TIAM1: variants seen among roughly 807,000 people sequenced by gnomAD.
TIAM1 encodes the protein TIAM Rac1 associated GEF 1.
A neutral mutation model predicts 163.5 loss-of-function variants in TIAM1; 65 were observed. The ratio of observed to expected loss-of-function variants is 0.40; its 90% CI spans 0.33 to 0.49. The LOEUF is 0.49. Among genes scored for constraint, TIAM1 ranks in the 20% least tolerant of loss-of-function variants. The probability of loss-of-function intolerance (pLI) is 0.77; values close to 1 mark genes in which losing one functional copy is unlikely to be tolerated. For synonymous variants in TIAM1, 833 were observed against 810.1 expected, an observed-to-expected ratio of 1.03 and a Z score of -0.48; for missense variants, 1,789 against 2,044.7, an observed-to-expected ratio of 0.87 and a Z score of 2.41.
chr21:31,384,006 C>T (rs533523105), intron 2 of TIAM1, among the ~76,000 whole-genome samples: 1 of 152,186 alleles, frequency 6.6e-6, no homozygotes, highest in East Asian at 1.9e-4. Flanking sequence ...CATATGCAAT[C>T]GAGCACCTCA....
chr21:31,433,595 G>T (rs537311784), intron 2 of TIAM1, among the ~76,000 whole-genome samples: 1 of 152,242 alleles, frequency 6.6e-6, no homozygotes, highest in South Asian at 2.1e-4. Context: ...AAGAAGAAAA[G>T]GAAGCAAATT....
intron 2 of TIAM1, among the ~76,000 whole-genome samples, chr21:31,285,265 T>TG (rs2073756376): frequency 6.6e-6 from 1 of 151,790 alleles, no homozygotes; most frequent in African/African-American, 2.4e-5. Context: ...GGGAAGAGCT[T>TG]GTGGGGGGGG....
intron 2 of TIAM1, among the ~76,000 whole-genome samples, chr21:31,284,251 A>C (rs1270981841): frequency 6.6e-6 from 1 of 152,158 alleles, no homozygotes; most frequent in Non-Finnish European, 1.5e-5. Context: ...CCGCACACCA[A>C]AATAATCGCC....
At chr21:31,231,842 GTC>G (rs1326499819) in intron 6 of TIAM1, among the ~76,000 whole-genome samples, 1 of 151,984 alleles carries the variant, frequency 6.6e-6, no homozygotes, top group East Asian at 1.9e-4. Flanking sequence ...GTGAAACCCC[GTC>G]TCTACTAACA....
At chr21:31,269,660 T>C (rs2146830475) in intron 3 of TIAM1, among the ~76,000 whole-genome samples, 1 of 146,752 alleles carries the variant, frequency 6.8e-6, no homozygotes, top group East Asian at 2.1e-4. Context: ...TGGTGAACTT[T>C]AAGTTTGTTT....
chr21:31,182,121 C>T (rs1054735314), intron 15 of TIAM1, among the ~76,000 whole-genome samples: 1 of 152,062 alleles, frequency 6.6e-6, no homozygotes, highest in Admixed American at 6.6e-5. Flanking sequence ...TCTCTATCCA[C>T]AGCAAAGTCT....
chr21:31,500,799 A>T (rs931906101), intron 1 of TIAM1, among the ~76,000 whole-genome samples: 3 of 152,052 alleles, frequency 2.0e-5, no homozygotes, highest in Non-Finnish European at 4.4e-5. Context: ...GTCAGAATGA[A>T]CCTACCTGGC....
chr21:31,395,474 G>T lies in TIAM1; in HGVS notation c.-368-56052C>A, dbSNP rs377744120. Among the ~76,000 whole-genome samples the T allele has an allele frequency of 6.6e-6, 1 of 152,094 alleles. No homozygotes were observed. The highest frequency in any genetic ancestry group is 6.6e-5 in the Admixed American group (1 of 15,260). ...GGAAAATTGGACAAGAGGGGCCCTC[G>T]GAGACCGAGGTCATCTAAACACAGC... is the stretch of plus-strand genomic sequence containing the variant. On this transcript the variant is annotated intron_variant, in intron 2 of 28. Coordinates refer to the TIAM1 transcript ENST00000286827. This position sits in a 1 kb window ranked among gnomAD's most constrained non-coding sequence, Gnocchi z 7.5.
At chr21:31,541,620 G>A (rs1411086332) in intron 1 of TIAM1, among the ~76,000 whole-genome samples, 1 of 152,026 alleles carries the variant, frequency 6.6e-6, no homozygotes, top group Non-Finnish European at 1.5e-5. Context: ...GGATAAAGTG[G>A]CTACAATATG....
intron 26 of TIAM1, among the ~76,000 whole-genome samples, chr21:31,126,589 T>C (rs182211768): frequency 5.3e-5 from 8 of 151,712 alleles, no homozygotes; most frequent in African/African-American, 1.4e-4. Flanking sequence ...AATAAATATA[T>C]ATATAAATAA....
chr21:31,342,321 A>T (rs2076044071), intron 1 of TIAM1, among the ~76,000 whole-genome samples: 1 of 152,024 alleles, frequency 6.6e-6, no homozygotes, highest in Admixed American at 6.6e-5. Context: ...AATATAACCA[A>T]CCAGAGACAA....
At chr21:31,441,541 G>A (rs756084256) in intron 2 of TIAM1, among the ~76,000 whole-genome samples, 1 of 152,168 alleles carries the variant, frequency 6.6e-6, no homozygotes. Context: ...AATATGGAAG[G>A]AGCCTGGGTC....
At chr21:31,197,561 T>TTTTTTTTTTTTTTTTA (rs2085936595) in intron 12 of TIAM1, among the ~76,000 whole-genome samples, 1 of 150,482 alleles carries the variant, frequency 6.6e-6, no homozygotes, top group Admixed American at 6.6e-5. Context: ...TTTTGTATTT[T>TTTTTTTTTTTTTTTTA]TAGTAGAGAC....
At chr21:31,440,917 C>A (rs1369859674) in intron 2 of TIAM1, among the ~76,000 whole-genome samples, 4 of 152,082 alleles carry the variant, frequency 2.6e-5, no homozygotes, top group African/African-American at 9.7e-5. Flanking sequence ...GGTAAACTGT[C>A]CACTTTAATT....
chr21:31,205,192 C>T (rs951726907), intron 11 of TIAM1, among the ~76,000 whole-genome samples: 4 of 152,168 alleles, frequency 2.6e-5, no homozygotes, highest in South Asian at 2.1e-4. Flanking sequence ...TAAGAGAGAT[C>T]GAAGCTGCAA....
chr21:31,320,193 C>T (rs2075266387), intron 2 of TIAM1, among the ~76,000 whole-genome samples: 1 of 151,878 alleles, frequency 6.6e-6, no homozygotes, highest in Admixed American at 6.6e-5. Context: ...CATGAATGAA[C>T]CTTAAAAACA....
At chr21:31,407,234 A>G (rs1215126650) in intron 2 of TIAM1, among the ~76,000 whole-genome samples, 2 of 152,046 alleles carry the variant, frequency 1.3e-5, no homozygotes, top group African/African-American at 2.4e-5. Context: ...TGAAGCCAAA[A>G]TTGTAAACGC....
chr21:31,321,151 G>A (rs551369312), intron 2 of TIAM1, among the ~76,000 whole-genome samples: 9 of 152,022 alleles, frequency 5.9e-5, no homozygotes, highest in Non-Finnish European at 1.2e-4. Context: ...AGGGGGCGGG[G>A]GGGGATGACC....
At chr21:31,548,420 C>T (rs2048571544) in intron 1 of TIAM1, among the ~76,000 whole-genome samples, 2 of 151,320 alleles carry the variant, frequency 1.3e-5, no homozygotes, top group African/African-American at 4.8e-5. Context: ...GGATTACAGG[C>T]GTGACCCACC....
Sources: allele counts gnomAD v4.1 joint callset (sites outside exome capture counted in the v4.1 genomes callset), GRCh38; gene constraint gnomAD v4.1.1; non-coding constraint Gnocchi (gnomAD v3.1); transcripts MANE v1.5; gene names NCBI Gene and HGNC (gene_info 2026-07-23, HGNC 2026-07-21).